AGMO: variants seen among roughly 807,000 people sequenced by gnomAD.
AGMO encodes the protein alkylglycerol monooxygenase.
In AGMO, 75 loss-of-function variants were observed where a neutral mutation model predicts 60.2. The ratio of observed to expected loss-of-function variants is 1.25; its 90% CI spans 1.03 to 1.51. The LOEUF (loss-of-function observed/expected upper bound fraction) is 1.51. Among genes scored for constraint, AGMO ranks in the 40% most tolerant of loss-of-function variants. The pLI, the probability that AGMO is intolerant of heterozygous loss-of-function variation, is 0.00. For missense variants in AGMO, 763 were observed against 525.5 expected (o/e 1.45, Z -4.42); for synonymous variants, 261 against 177.1 (o/e 1.47, Z -3.76).
At chr7:15,448,283 G>A (rs77365575) in intron 3 of AGMO, among the ~76,000 whole-genome samples, 2,070 of 152,210 alleles carry the variant, frequency 0.014, 44 homozygotes, top group African/African-American at 0.048. Flanking sequence ...CTTAGGGAAC[G>A]GGATTAGTGC....
At chr7:15,302,402 G>A (rs1780471239) in intron 12 of AGMO, among the ~76,000 whole-genome samples, 1 of 151,990 alleles carries the variant, frequency 6.6e-6, no homozygotes, top group Non-Finnish European at 1.5e-5. Context: ...AATAAAGTTG[G>A]GGTCTAATAA....
intron 10 of AGMO, among the ~76,000 whole-genome samples, chr7:15,376,991 G>A (rs1783484283): frequency 6.6e-6 from 1 of 152,042 alleles, no homozygotes; most frequent in South Asian, 2.1e-4. Flanking sequence ...AAACAAGTAA[G>A]TATTTATCTT....
chr7:15,553,817 C>G (rs1785048593), intron 2 of AGMO, among the ~76,000 whole-genome samples: 1 of 152,082 alleles, frequency 6.6e-6, no homozygotes, highest in Admixed American at 6.6e-5. Flanking sequence ...CAATTTATTA[C>G]TCCGTCAACT....
intron 2 of AGMO, among the ~76,000 whole-genome samples, chr7:15,547,686 T>C (rs897847892): frequency 5.3e-5 from 8 of 151,930 alleles, no homozygotes; most frequent in African/African-American, 1.7e-4. Flanking sequence ...GTCTCGCTGA[T>C]TGCTAGCACA....
chr7:15,142,511 C>A, the AGMO span, among the ~76,000 whole-genome samples: 1 of 152,194 alleles, frequency 6.6e-6, no homozygotes, highest in Admixed American at 6.5e-5. Flanking sequence ...TCCATAATTT[C>A]TTCTTCTAAA....
chr7:15,210,143 T>C (rs556897685), intron 12 of AGMO, among the ~76,000 whole-genome samples: 1 of 152,280 alleles, frequency 6.6e-6, no homozygotes, highest in African/African-American at 2.4e-5. Context: ...TCTCCACATT[T>C]CAGGGACAAT....
At chr7:15,235,189 T>C (rs1386222446) in intron 12 of AGMO, among the ~76,000 whole-genome samples, 1 of 152,146 alleles carries the variant, frequency 6.6e-6, no homozygotes, top group Non-Finnish European at 1.5e-5. Flanking sequence ...ATTTCTTTTA[T>C]AATCTCTCTT....
At chr7:15,265,916 T>C (rs1455369556) in intron 12 of AGMO, among the ~76,000 whole-genome samples, 1 of 152,106 alleles carries the variant, frequency 6.6e-6, no homozygotes, top group Non-Finnish European at 1.5e-5. Context: ...AAGCGAAATA[T>C]GGTATACACA....
chr7:15,157,198 C>A, the AGMO span, among the ~76,000 whole-genome samples: 18 of 152,162 alleles, frequency 1.2e-4, no homozygotes. Flanking sequence ...TCAGTTCTCA[C>A]AGCAATCCTT....
intron 12 of AGMO, among the ~76,000 whole-genome samples, chr7:15,346,889 T>C (rs557388621): frequency 6.6e-6 from 1 of 152,096 alleles, no homozygotes; most frequent in South Asian, 2.1e-4. Context: ...ATTTATATTT[T>C]ATGTATATTT....
the AGMO span, among the ~76,000 whole-genome samples, chr7:15,183,033 C>G: frequency 6.6e-6 from 1 of 152,050 alleles, no homozygotes; most frequent in African/African-American, 2.4e-5. Context: ...CACCTCCCAC[C>G]AGGTCTCACC....
At chr7:15,263,395 G>C (rs151318226) in intron 12 of AGMO, among the ~76,000 whole-genome samples, 120 of 96,456 alleles carry the variant, frequency 1.2e-3, no homozygotes, top group African/African-American at 5.5e-3. Context: ...CCTCACTCCT[G>C]CAAGAATGGG....
At chr7:15,499,024 G>T (rs951127273) in intron 3 of AGMO, among the ~76,000 whole-genome samples, 3 of 151,992 alleles carry the variant, frequency 2.0e-5, no homozygotes, top group South Asian at 2.1e-4. Flanking sequence ...TAGAGTTACA[G>T]AATTCTTCTT....
intron 12 of AGMO, among the ~76,000 whole-genome samples, chr7:15,277,891 T>C (rs1783845796): frequency 6.6e-6 from 1 of 152,086 alleles, no homozygotes; most frequent in South Asian, 2.1e-4. Context: ...GATATCCCAA[T>C]GATGACAAGG....
At chr7:15,383,898 T>A (rs948006217) in intron 10 of AGMO, among the ~76,000 whole-genome samples, 1 of 152,142 alleles carries the variant, frequency 6.6e-6, no homozygotes, top group Admixed American at 6.6e-5. Context: ...GTATTGACTT[T>A]AGCACTGTGT....
chr7:15,510,521 T>C (rs1166036581), intron 3 of AGMO, among the ~76,000 whole-genome samples: 2 of 138,712 alleles, frequency 1.4e-5, no homozygotes, highest in African/African-American at 2.7e-5. Flanking sequence ...TACTGTGAGA[T>C]GCTGTCATAT....
chr7:15,343,517 A>G (rs1429602291), intron 12 of AGMO, among the ~76,000 whole-genome samples: 3 of 152,208 alleles, frequency 2.0e-5, no homozygotes, highest in Admixed American at 1.3e-4. Context: ...ACTTTTTGGC[A>G]TCTATAATAT....
Position 15,431,035 on chromosome 7 carries a change from T to C in AGMO, c.483A>G (p.Arg161=). The part of the protein sequence containing the change: ...SEDYNLSTAL[R]QSVLQIYTSW... ...AAGTATATATCTGGAGGACAGACTGTCTCAGTGCTGTGGATAAGTTATAGT... is the reference window on the plus strand; with the variant it reads ...AAGTATATATCTGGAGGACAGACTGCCTCAGTGCTGTGGATAAGTTATAGT... The change falls in exon 4 of 13, where the codon AGA becomes AGG. Residue 161 remains arginine, a synonymous_variant. Coordinates refer to ENST00000342526, the MANE Select transcript of AGMO (RefSeq NM_001004320.2). The C allele has an allele frequency of 6.2e-7, 1 of 1,607,998 alleles. No homozygotes were observed. The highest frequency in any genetic ancestry group is 8.5e-7 in the Non-Finnish European group (1 of 1,175,682).
chr7:15,323,924 C>A (rs534253149), intron 12 of AGMO, among the ~76,000 whole-genome samples: 1 of 152,172 alleles, frequency 6.6e-6, no homozygotes, highest in Non-Finnish European at 1.5e-5. Flanking sequence ...CTTGCTACTA[C>A]CTCAGAGTAA....
Sources: gnomAD v4.1 joint callset for allele counts (sites outside exome capture counted in the v4.1 genomes callset) on GRCh38, gnomAD v4.1.1 for gene constraint, MANE v1.5 for transcripts, NCBI Gene and HGNC (gene_info 2026-07-23, HGNC 2026-07-21) for gene names.